Variants in KCND2 observed in about 807,000 individuals in gnomAD.
KCND2 encodes A-type voltage-gated potassium channel KCND2.
In KCND2, 16 loss-of-function variants were observed where a neutral mutation model predicts 54.4. The ratio of observed to expected loss-of-function variants is 0.29; its 90% confidence interval spans 0.20 to 0.45. The LOEUF (loss-of-function observed/expected upper bound fraction) is 0.45. Among genes scored for constraint, KCND2 ranks in the 20% least tolerant of loss-of-function variants. The pLI is 1.00. For synonymous variants in KCND2, 317 were observed against 310.7 expected, an observed-to-expected ratio of 1.02 and a Z score of -0.21; for missense variants, 486 against 824.2, an observed-to-expected ratio of 0.59 and a Z score of 5.02.
intron 1 of KCND2, among the ~76,000 whole-genome samples, chr7:120,364,700 C>A (rs984192718): frequency 2.0e-5 from 3 of 152,002 alleles, no homozygotes; most frequent in Non-Finnish European, 4.4e-5. Context: ...TCTGGCTAAA[C>A]TGACCCCACG....
intron 1 of KCND2, among the ~76,000 whole-genome samples, chr7:120,480,220 T>C (rs1464493008): frequency 6.6e-6 from 1 of 152,130 alleles, no homozygotes; most frequent in Non-Finnish European, 1.5e-5. Context: ...TAATTCTCAA[T>C]ATGAATTTTC....
intron 1 of KCND2, among the ~76,000 whole-genome samples, chr7:120,526,538 G>A (rs1333113913): frequency 2.0e-5 from 3 of 152,052 alleles, no homozygotes; most frequent in Non-Finnish European, 4.4e-5. Flanking sequence ...GCACTCCAAA[G>A]GAGACAGATG....
chr7:120,401,516 A>G (rs1380227446), intron 1 of KCND2, among the ~76,000 whole-genome samples: 1 of 152,168 alleles, frequency 6.6e-6, no homozygotes, highest in African/African-American at 2.4e-5. Context: ...TAGGGAGCAC[A>G]CAGTGGGAAT....
At chr7:120,428,319 T>C (rs1418089125) in intron 1 of KCND2, among the ~76,000 whole-genome samples, 1 of 152,080 alleles carries the variant, frequency 6.6e-6, no homozygotes, top group Non-Finnish European at 1.5e-5. Context: ...TCCAATATGG[T>C]GTAATAAATG....
At chr7:120,380,741 A>G (rs776521187) in intron 1 of KCND2, among the ~76,000 whole-genome samples, 8 of 152,018 alleles carry the variant, frequency 5.3e-5, no homozygotes, top group Admixed American at 1.3e-4. Context: ...CATTGACCAT[A>G]TCGTAAAAAA....
chr7:120,286,228 T>TA (rs1799340885), intron 1 of KCND2, among the ~76,000 whole-genome samples: 1 of 151,982 alleles, frequency 6.6e-6, no homozygotes, highest in Non-Finnish European at 1.5e-5. Context: ...TTAATATTAC[T>TA]AAAATATGTG....
chr7:120,573,213 T>C (rs908424203), intron 1 of KCND2, among the ~76,000 whole-genome samples: 1 of 152,204 alleles, frequency 6.6e-6, no homozygotes, highest in African/African-American at 2.4e-5. Flanking sequence ...GCAAAATAAG[T>C]ACTTTATGTC....
intron 1 of KCND2, among the ~76,000 whole-genome samples, chr7:120,721,106 G>A (rs1286173394): frequency 2.0e-5 from 3 of 152,108 alleles, no homozygotes; most frequent in African/African-American, 7.2e-5. Flanking sequence ...AATTTTTATG[G>A]AAGTTTCTTT....
At chr7:120,665,665 C>A (rs1791917824) in intron 1 of KCND2, among the ~76,000 whole-genome samples, 1 of 151,954 alleles carries the variant, frequency 6.6e-6, no homozygotes, top group Non-Finnish European at 1.5e-5. Flanking sequence ...CTGCTTTTAC[C>A]AATCTAAAAG....
intron 1 of KCND2, among the ~76,000 whole-genome samples, chr7:120,417,934 A>C (rs10488293): frequency 0.1 from 15,567 of 152,228 alleles, 835 homozygotes; most frequent in Admixed American, 0.13. Flanking sequence ...ACTTCTTTTA[A>C]TGGCCCTTTA....
chr7:120,737,058 ACACACACACACACACACAAAC>A (rs1562924263), intron 2 of KCND2, among the ~76,000 whole-genome samples: 13 of 144,942 alleles, frequency 9.0e-5, no homozygotes, highest in African/African-American at 3.1e-4. Flanking sequence ...ACACACACAC[ACACACACACACACACACAAAC>A]AAAAAAAAAA....
chr7:120,308,654 C>A (rs1799683977), intron 1 of KCND2, among the ~76,000 whole-genome samples: 1 of 152,146 alleles, frequency 6.6e-6, no homozygotes, highest in African/African-American at 2.4e-5. Context: ...TGGATATAAT[C>A]ATTTTGGTTT....
At position 120,735,854 on chromosome 7, in the gene KCND2, ATCT is replaced by A. The variant is rs142037211; in HGVS notation, c.1278+2793_1278+2795del. On this transcript the variant is annotated intron_variant, in intron 2 of 5. Coordinates refer to ENST00000331113, the MANE Select transcript of KCND2 (RefSeq NM_012281.3). The stretch of plus-strand genomic sequence containing the variant: ...GACTGTGACCAATAAACTGAACATA[ATCT>A]TCTAAGAAAGAACAGTGGATATGAA... 6.1e-3 allele frequency among the ~76,000 whole-genome samples: 931 copies of A among 152,220 alleles called. 6 individuals carry two copies. The highest frequency in any genetic ancestry group is 0.022 in the African/African-American group (897 of 41,570).
chr7:120,358,506 CTT>C (rs376340328), intron 1 of KCND2, among the ~76,000 whole-genome samples: 1 of 150,964 alleles, frequency 6.6e-6, no homozygotes, highest in African/African-American at 2.4e-5. Context: ...TTAAGGTTTC[CTT>C]TTTTTTTGTC....
At chr7:120,679,835 A>C (rs1336786840) in intron 1 of KCND2, among the ~76,000 whole-genome samples, 1 of 152,044 alleles carries the variant, frequency 6.6e-6, no homozygotes, top group African/African-American at 2.4e-5. Flanking sequence ...TTAGTACCCA[A>C]AAAGGGGTTC....
intron 1 of KCND2, among the ~76,000 whole-genome samples, chr7:120,454,096 T>G (rs114501005): frequency 0.021 from 3,229 of 151,662 alleles, 98 homozygotes; most frequent in African/African-American, 0.07. Context: ...AAGAAAGAAA[T>G]AAATAAAAAG....
rs961826599 is a variant in KCND2 at position 120,273,194 on chromosome 7, G to T, written c.-1439G>T. On this transcript the variant is annotated 5_prime_UTR_variant, in exon 1 of 6. Transcript: ENST00000331113. Reference sequence around the variant, plus strand: ...CCTTTCCTAACCTGCGTGGCGGGGCGTGCGCGCGGTTATTTATTTATTTTC... The same window carrying T: ...CCTTTCCTAACCTGCGTGGCGGGGCTTGCGCGCGGTTATTTATTTATTTTC... Among the ~76,000 whole-genome samples the T allele has an allele frequency of 1.3e-5, 2 of 152,128 alleles. No homozygotes were observed. The highest frequency in any genetic ancestry group is 2.9e-5 in the Non-Finnish European group (2 of 68,024).
intron 1 of KCND2, among the ~76,000 whole-genome samples, chr7:120,578,123 G>A (rs1395882587): frequency 2.0e-5 from 3 of 151,802 alleles, no homozygotes; most frequent in African/African-American, 7.3e-5. Flanking sequence ...AGAAAAGAAG[G>A]AAGAAGGAAG....
At chr7:120,286,382 G>A (rs959001911) in intron 1 of KCND2, among the ~76,000 whole-genome samples, 104 of 152,018 alleles carry the variant, frequency 6.8e-4, no homozygotes, top group African/African-American at 2.4e-3. Context: ...ATTTTGCTGG[G>A]AAACATAACC....
Sources: allele counts gnomAD v4.1 joint callset (sites outside exome capture counted in the v4.1 genomes callset), GRCh38; gene constraint gnomAD v4.1.1; transcripts MANE v1.5; gene names NCBI Gene and HGNC (gene_info 2026-07-23, HGNC 2026-07-21).